Variants in IKZF3 observed in about 807,000 individuals in gnomAD.
The protein encoded by IKZF3 is IKAROS family zinc finger 3.
In IKZF3, 10 loss-of-function variants were observed where a neutral mutation model predicts 49.0. The observed-to-expected ratio is 0.20, with a 90% CI of 0.13 to 0.35. IKZF3 has a LOEUF of 0.35. Ranked by LOEUF, IKZF3 falls within the 10% of genes least tolerant of loss-of-function variation. The pLI is 1.00. For missense variants in IKZF3, 498 were observed against 664.8 expected, an observed-to-expected ratio of 0.75 and a Z score of 2.76; for synonymous variants, 209 against 228.2, an observed-to-expected ratio of 0.92 and a Z score of 0.76.
intron 3 of IKZF3, among the ~76,000 whole-genome samples, chr17:39,817,212 G>A (rs953321771): frequency 2.6e-5 from 4 of 151,928 alleles, no homozygotes; most frequent in South Asian, 2.1e-4. Flanking sequence ...AGATGCACAC[G>A]ATATTTCATT....
chr17:39,828,983 A>G (rs2062031307), intron 3 of IKZF3, among the ~76,000 whole-genome samples: 1 of 152,152 alleles, frequency 6.6e-6, no homozygotes, highest in South Asian at 2.1e-4. Context: ...CCTGGGCGAC[A>G]AAGTGAAACT....
At chr17:39,791,376 T>C in intron 5 of IKZF3, 40 bp downstream of exon 5, 1 of 1,602,552 alleles carries the variant, frequency 6.2e-7, no homozygotes, top group Non-Finnish European at 8.5e-7. Flanking sequence ...CTCTGAGGAA[T>C]GCACTTCCTA....
chr17:39,855,432 T>G (rs1222057234), intron 1 of IKZF3, among the ~76,000 whole-genome samples: 1 of 152,226 alleles, frequency 6.6e-6, no homozygotes, highest in Non-Finnish European at 1.5e-5. Flanking sequence ...TCCTATTATA[T>G]AGATTGGATC....
At chr17:39,781,104 GAC>G (rs981613379) in intron 6 of IKZF3, among the ~76,000 whole-genome samples, 18 of 152,318 alleles carry the variant, frequency 1.2e-4, no homozygotes, top group African/African-American at 4.1e-4. Context: ...TCAGCCACAA[GAC>G]ACTGCTATTG....
intron 1 of IKZF3, among the ~76,000 whole-genome samples, chr17:39,862,458 A>G (rs1457023701): frequency 6.6e-6 from 1 of 152,134 alleles, no homozygotes; most frequent in Non-Finnish European, 1.5e-5. Context: ...AAGATGATAT[A>G]AAAATTTTTT....
chr17:39,851,142 C>T (rs1380468602), intron 1 of IKZF3, among the ~76,000 whole-genome samples: 1 of 151,134 alleles, frequency 6.6e-6, no homozygotes, highest in Non-Finnish European at 1.5e-5. Context: ...TCATTGCAGA[C>T]TTGACCTCCC....
intron 5 of IKZF3, among the ~76,000 whole-genome samples, chr17:39,790,511 T>C (rs988203731): frequency 3.3e-5 from 5 of 152,190 alleles, no homozygotes; most frequent in African/African-American, 1.2e-4. Context: ...AGTTTGGGGC[T>C]AGGTTTTAAT....
At chr17:39,819,889 G>A (rs768660285) in intron 3 of IKZF3, among the ~76,000 whole-genome samples, 4 of 151,902 alleles carry the variant, frequency 2.6e-5, no homozygotes, top group South Asian at 2.1e-4. Flanking sequence ...GGCTGGTCTC[G>A]AACTCCTGAC....
chr17:39,825,355 T>C (rs1472027621), intron 3 of IKZF3, among the ~76,000 whole-genome samples: 1 of 152,178 alleles, frequency 6.6e-6, no homozygotes, highest in East Asian at 1.9e-4. Flanking sequence ...GTGGTTATTA[T>C]GTGCTATGCA....
chr17:39,837,009 G>A (rs180962882), intron 1 of IKZF3, among the ~76,000 whole-genome samples: 192 of 152,084 alleles, frequency 1.3e-3, no homozygotes, highest in African/African-American at 4.4e-3. Flanking sequence ...ATGGTTCACT[G>A]CAGCCTCGAC....
Position 39,832,088 on chromosome 17 carries a change from C to A in IKZF3, c.61+10G>T, listed in dbSNP as rs1057049199. 2 of 1,602,854 alleles carry A rather than the reference C, an allele frequency of 1.2e-6. No individual in the cohort carries two copies. The highest frequency in any genetic ancestry group is 1.7e-6 in the Non-Finnish European group (2 of 1,171,172). The stretch of plus-strand genomic sequence containing the variant: ...AGGTATATTTCCAGAGAGGAAAGAC[C>A]TGATGTTACCTGCGGGCACAGACTG... On this transcript the variant is annotated intron_variant, in intron 2 of 7. Coordinates refer to ENST00000346872, the MANE Select transcript of IKZF3 (RefSeq NM_012481.5).
intron 3 of IKZF3, among the ~76,000 whole-genome samples, chr17:39,822,900 G>T (rs1436674054): frequency 6.6e-6 from 1 of 152,136 alleles, no homozygotes; most frequent in Non-Finnish European, 1.5e-5. Flanking sequence ...CTTCATAGCA[G>T]TGTGAGAGTG....
chr17:39,786,779 G>A (rs1222872755), intron 6 of IKZF3, among the ~76,000 whole-genome samples: 1 of 151,934 alleles, frequency 6.6e-6, no homozygotes, highest in African/African-American at 2.4e-5. Context: ...TTATAAGGGG[G>A]TAAACATTTC....
chr17:39,797,765 T>C (rs1050405595), intron 3 of IKZF3, among the ~76,000 whole-genome samples: 1 of 152,092 alleles, frequency 6.6e-6, no homozygotes, highest in Admixed American at 6.6e-5. Flanking sequence ...CTTCTTTCCT[T>C]GCCTTTCTGA....
intron 3 of IKZF3, among the ~76,000 whole-genome samples, chr17:39,811,887 C>A (rs1248980171): frequency 6.6e-6 from 1 of 152,164 alleles, no homozygotes; most frequent in Non-Finnish European, 1.5e-5. Flanking sequence ...TACAATAACA[C>A]CCTGCCACAA....
At chr17:39,778,126 G>A (rs1245156096) in intron 6 of IKZF3, 15 of 1,003,058 alleles carry the variant, frequency 1.5e-5, no homozygotes, top group Non-Finnish European at 1.8e-5. Context: ...GAGTAACTGC[G>A]TGTGACACCT....
At position 39,864,157 on chromosome 17, in the gene IKZF3, T is replaced by G; in HGVS notation, c.-31A>C. 1 of 1,611,626 alleles carries G rather than the reference T, an allele frequency of 6.2e-7. No individual in the cohort carries two copies. Among genetic ancestry groups the G allele is most frequent in the Non-Finnish European group, 8.5e-7 (1 of 1,179,032 alleles). On this transcript the variant is annotated 5_prime_UTR_variant, in exon 1 of 8. Transcript: ENST00000346872. Reference sequence around the variant, plus strand: ...TGCCGGGCCGGGCTGGAGCTGCCGCTGTGGCTACTCGGCCTCTCCACGTGC... The same window carrying G: ...TGCCGGGCCGGGCTGGAGCTGCCGCGGTGGCTACTCGGCCTCTCCACGTGC...
chr17:39,785,523 T>C (rs1271701988), intron 6 of IKZF3, among the ~76,000 whole-genome samples: 1 of 152,190 alleles, frequency 6.6e-6, no homozygotes, highest in East Asian at 1.9e-4. Context: ...ATATTACTTT[T>C]GATACTTTTC....
chr17:39,798,110 G>A (rs888273673), intron 3 of IKZF3, among the ~76,000 whole-genome samples: 1 of 152,010 alleles, frequency 6.6e-6, no homozygotes, highest in African/African-American at 2.4e-5. Context: ...CTCCACTCCT[G>A]TATTTTGCAT....
Sources: allele counts gnomAD v4.1 joint callset (sites outside exome capture counted in the v4.1 genomes callset), GRCh38; gene constraint gnomAD v4.1.1; transcripts MANE v1.5; gene names NCBI Gene and HGNC (gene_info 2026-07-23, HGNC 2026-07-21).